The following SORBS2 variants were observed in gnomAD, a reference collection of about 807,000 sequenced individuals.
SORBS2 encodes the protein sorbin and SH3 domain containing 2, also known as sorbin and SH3 domain-containing protein 2.
SORBS2 carries 46 observed loss-of-function variants against 97.7 expected under a neutral mutation model. The ratio of observed to expected loss-of-function variants is 0.47; its 90% CI spans 0.37 to 0.60. The LOEUF is 0.60. Ranked by LOEUF, SORBS2 falls within the 20% of genes least tolerant of loss-of-function variation. The probability of loss-of-function intolerance (pLI) is 0.00; values close to 1 mark genes in which losing one functional copy is unlikely to be tolerated. For missense variants in SORBS2, 1,316 were observed against 1,282.3 expected (o/e 1.03, Z -0.40); for synonymous variants, 476 against 473.4 (o/e 1.01, Z -0.07).
At chr4:185,822,275 A>C (rs1238490205) in intron 1 of SORBS2, among the ~76,000 whole-genome samples, 2 of 152,206 alleles carry the variant, frequency 1.3e-5, no homozygotes, top group African/African-American at 2.4e-5. Context: ...TTACCAGGAA[A>C]AGTGGAGGAA....
intron 4 of SORBS2, among the ~76,000 whole-genome samples, chr4:185,640,073 C>T (rs2097101361): frequency 6.6e-6 from 1 of 152,036 alleles, no homozygotes; most frequent in South Asian, 2.1e-4. Context: ...AGTGATGTGA[C>T]TTTGTTTCAA....
chr4:185,856,556 T>A (rs1191028689), intron 1 of SORBS2, among the ~76,000 whole-genome samples: 3 of 152,118 alleles, frequency 2.0e-5, no homozygotes, highest in African/African-American at 4.8e-5. Context: ...CAGTAACTTT[T>A]TTTAAAAAAG....
rs143334106 is a variant in SORBS2 at position 185,901,095 on chromosome 4, C to A, written c.-338+55101G>T. Among the ~76,000 whole-genome samples, 707 of 152,220 alleles carry A rather than the reference C, an allele frequency of 4.6e-3. 7 individuals are homozygous for A. Among genetic ancestry groups the A allele is most frequent in the African/African-American group, 0.016 (671 of 41,548 alleles). ...TGTTAGTCAGTTTTAAATTATGATG[C>A]CATTTACAAAATTCAATTTATATCT... is the stretch of plus-strand genomic sequence containing the variant. On this transcript the variant is annotated intron_variant, in intron 1 of 20. Transcript: ENST00000284776.
intron 13 of SORBS2, chr4:185,593,161 C>T (rs1205599490): frequency 6.6e-6 from 1 of 152,408 alleles, no homozygotes; most frequent in East Asian, 1.9e-4. Context: ...CATGAATAAG[C>T]CTTCCCAGGG....
exon 7 of SORBS2, chr4:185,622,949 C>G: frequency 1.9e-6 from 3 of 1,613,022 alleles, no homozygotes; most frequent in Non-Finnish European, 2.5e-6. Flanking sequence ...GTGGTGGCAG[C>G]TGCTGTTGGC....
In SORBS2 at chr4:185,641,498, C is replaced by T. The variant is rs571382616; in HGVS notation, c.396+5170G>A. Among the ~76,000 whole-genome samples, 4 of 152,196 alleles carry T rather than the reference C, an allele frequency of 2.6e-5. No homozygotes were observed. The South Asian group carries it at 8.3e-4, about 32-fold the overall frequency. On this transcript the variant is annotated intron_variant, in intron 4 of 14. Transcript: ENST00000418609. ...GAGGCACTGCTAAGGAACACAGAAG[C>T]CTCGCAACAGTCAGTGACACACATA...
chr4:185,624,387 C>A (rs763610105), exon 7 of SORBS2: 8 of 1,614,072 alleles, frequency 5.0e-6, no homozygotes, highest in Non-Finnish European at 5.9e-6. Flanking sequence ...TCCCGAGGGA[C>A]ATCCAAGTGC....
At chr4:185,682,953 C>A (rs1467575873) in intron 2 of SORBS2, among the ~76,000 whole-genome samples, 1 of 146,074 alleles carries the variant, frequency 6.8e-6, no homozygotes, top group East Asian at 2.0e-4. Flanking sequence ...GCAGAGGTTG[C>A]AGTGAGCCAA....
intron 12 of SORBS2, among the ~76,000 whole-genome samples, chr4:185,596,065 A>G (rs1165939068): frequency 2.6e-5 from 4 of 152,224 alleles, no homozygotes; most frequent in Non-Finnish European, 2.9e-5. Context: ...AGTTATGAAT[A>G]AGAAAATATT....
At chr4:185,651,349 T>C (rs11724862) in intron 2 of SORBS2, among the ~76,000 whole-genome samples, 43,639 of 152,140 alleles carry the variant, frequency 0.29, 6,713 homozygotes, top group East Asian at 0.57. Context: ...TTTCAATGAA[T>C]GGTTGCATTT....
chr4:185,586,564 C>CTAT (rs1561236036), exon 15 of SORBS2: 1 of 152,628 alleles, frequency 6.6e-6, no homozygotes, highest in Non-Finnish European at 1.5e-5. Context: ...CTTCTGTACT[C>CTAT]TATTTCTATA....
At chr4:185,784,223 C>G (rs1396781359) in intron 1 of SORBS2, among the ~76,000 whole-genome samples, 1 of 152,144 alleles carries the variant, frequency 6.6e-6, no homozygotes, top group African/African-American at 2.4e-5. Context: ...GCTCTGCCTC[C>G]CGGGTTCACA....
intron 1 of SORBS2, among the ~76,000 whole-genome samples, chr4:185,782,560 A>G (rs1439692597): frequency 6.6e-6 from 1 of 152,206 alleles, no homozygotes; most frequent in African/African-American, 2.4e-5. Flanking sequence ...ATATGTGATT[A>G]TTTATAATGT....
chr4:185,850,240 A>C (rs974032733), intron 1 of SORBS2, among the ~76,000 whole-genome samples: 7 of 152,196 alleles, frequency 4.6e-5, no homozygotes, highest in African/African-American at 1.7e-4. Flanking sequence ...GGGATGTACA[A>C]TTGGTAATGA....
At position 185,877,867 on chromosome 4, in the gene SORBS2, C is replaced by CAAAAAAA. The variant is rs1491116547; in HGVS notation, c.-338+78328_-338+78329insTTTTTTT. On this transcript the variant is annotated intron_variant, in intron 1 of 20. Transcript: ENST00000284776. ...CCTGGGTGACAGAGTGAGACTCTGT[C>CAAAAAAA]AAAAAACAAAAAAAAAAAAGAAAGA... is the stretch of plus-strand genomic sequence containing the variant. Among the ~76,000 whole-genome samples, 249 of 50,370 alleles carry CAAAAAAA rather than the reference C, an allele frequency of 4.9e-3. 5 individuals are homozygous for CAAAAAAA. The highest frequency in any genetic ancestry group is 0.017 in the African/African-American group (232 of 13,384). 33.0% of individuals were successfully genotyped at this position (50,370 alleles called of 152,430 possible).
At chr4:185,592,762 G>A (rs2095982996) in intron 13 of SORBS2, 1 of 152,330 alleles carries the variant, frequency 6.6e-6, no homozygotes. Context: ...GTTTTGCTAT[G>A]TTGTCCAGGC....
Position 185,894,044 on chromosome 4 carries a change from G to T in SORBS2, c.-338+62152C>A, listed in dbSNP as rs141564939. ...ACAGATGCAAATCTGCCTCACAAAG[G>T]ACAGCTTTTCAGAGCTATTCCTGTG... is the stretch of plus-strand genomic sequence containing the variant. On this transcript the variant is annotated intron_variant, in intron 1 of 20. Transcript: ENST00000284776. Among the ~76,000 whole-genome samples, 867 of 152,186 alleles carry T rather than the reference G, an allele frequency of 5.7e-3. 9 individuals are homozygous for T. Among genetic ancestry groups the T allele is most frequent in the African/African-American group, 0.018 (751 of 41,530 alleles).
intron 14 of SORBS2, 64 bp downstream of exon 26, chr4:185,589,615 G>T: frequency 2.2e-6 from 2 of 917,158 alleles, no homozygotes. Context: ...GCAAACCACG[G>T]GAGTGAGCAA....
intron 1 of SORBS2, among the ~76,000 whole-genome samples, chr4:185,897,406 A>C (rs1561279104): frequency 6.6e-6 from 1 of 152,056 alleles, no homozygotes; most frequent in Non-Finnish European, 1.5e-5. Context: ...ATTAGACCAC[A>C]CCCTTTCGTC....
Sources: allele counts gnomAD v4.1 joint callset (sites outside exome capture counted in the v4.1 genomes callset), GRCh38; gene constraint gnomAD v4.1.1; transcripts MANE v1.5; gene names NCBI Gene and HGNC (gene_info 2026-07-23, HGNC 2026-07-21).